LCP2: variants seen among roughly 807,000 people sequenced by gnomAD.
The protein encoded by LCP2 is lymphocyte cytosolic protein 2.
In LCP2, 29 loss-of-function variants were observed where a neutral mutation model predicts 74.5. That is an observed-to-expected ratio of 0.39 (90% CI 0.29 to 0.53). The LOEUF (loss-of-function observed/expected upper bound fraction) is 0.53. LCP2 is among the 20% of genes least tolerant of loss of function. The probability of loss-of-function intolerance (pLI) is 0.72; values close to 1 mark genes in which losing one functional copy is unlikely to be tolerated. For synonymous variants in LCP2, 228 were observed against 229.5 expected (o/e 0.99, Z 0.06); for missense variants, 604 against 634.6 (o/e 0.95, Z 0.52).
chr5:170,281,474 G>T (rs916854038), intron 3 of LCP2, among the ~76,000 whole-genome samples: 1 of 152,266 alleles, frequency 6.6e-6, no homozygotes, highest in Non-Finnish European at 1.5e-5. Context: ...TAGAAACAGC[G>T]TTTCACTGTG....
Position 170,266,777 on chromosome 5 carries a change from T to A in LCP2, c.772+31A>T, listed in dbSNP as rs367933422. 2.0e-5 allele frequency: 31 copies of A among 1,555,484 alleles called. No homozygotes were observed. The African/African-American group carries it at 3.1e-4, about 16-fold the overall frequency. ...AGCACTTTATAACAGCTTATCATTA[T>A]TACTATGCATTAAATGTGAATCATA... On this transcript the variant is annotated intron_variant, in intron 10 of 20. Coordinates refer to ENST00000046794, the MANE Select transcript of LCP2 (RefSeq NM_005565.5).
At chr5:170,255,745 C>T (rs187680498) in intron 17 of LCP2, among the ~76,000 whole-genome samples, 3 of 152,286 alleles carry the variant, frequency 2.0e-5, no homozygotes, top group East Asian at 1.9e-4. Flanking sequence ...GTCACAGCAT[C>T]GCATGGAATA....
intron 3 of LCP2, among the ~76,000 whole-genome samples, chr5:170,284,010 A>C (rs1762144479): frequency 6.6e-6 from 1 of 152,222 alleles, no homozygotes; most frequent in Non-Finnish European, 1.5e-5. Context: ...CTCCCTTTAG[A>C]ATGTGAGTGT....
chr5:170,253,301 C>T, intron 17 of LCP2, 88 bp from the exon 18 acceptor site: 3 of 847,846 alleles, frequency 3.5e-6, no homozygotes, highest in Non-Finnish European at 5.6e-6. Flanking sequence ...CCCCACTCCC[C>T]CAAAAAAATA....
chr5:170,274,229 T>A (rs1309676674), intron 6 of LCP2, 72 bp downstream of exon 6: 2 of 1,519,076 alleles, frequency 1.3e-6, no homozygotes, highest in African/African-American at 1.4e-5. Flanking sequence ...CTTGGCTCCA[T>A]CCTGGCTCCT....
rs940855577 is a variant in LCP2, at chr5:170,256,698, C to T, written c.1101-123G>A. ...ATTTGGTATCACTTTCCCTGCTGCC[C>T]CCAAAACCATGGGGGCTGGGCACAG... On this transcript the variant is annotated intron_variant, in intron 16 of 20. Coordinates refer to ENST00000046794, the MANE Select transcript of LCP2 (RefSeq NM_005565.5). This position sits in a 1 kb window ranked among gnomAD's most constrained non-coding sequence, Gnocchi z 4.5. 1 of 723,062 alleles carries T rather than the reference C, an allele frequency of 1.4e-6. No individual in the cohort carries two copies. Among genetic ancestry groups the T allele is most frequent in the African/African-American group, 1.7e-5 (1 of 57,600 alleles). The allele number at this position is 723,062 out of a possible 1,614,324, so 44.8% of individuals were successfully genotyped here.
At chr5:170,290,481 A>C (rs1762270033) in intron 2 of LCP2, among the ~76,000 whole-genome samples, 1 of 152,180 alleles carries the variant, frequency 6.6e-6, no homozygotes, top group South Asian at 2.1e-4. Context: ...TGCTGGATGG[A>C]GCTTCTGGAA....
chr5:170,267,811 G>A (rs571665900), intron 8 of LCP2, among the ~76,000 whole-genome samples: 28 of 152,202 alleles, frequency 1.8e-4, no homozygotes, highest in Non-Finnish European at 3.2e-4. Context: ...AGTGAATCCT[G>A]CATCTCAAAA....
At chr5:170,283,011 G>C (rs962982470) in intron 3 of LCP2, among the ~76,000 whole-genome samples, 17 of 152,222 alleles carry the variant, frequency 1.1e-4, no homozygotes, top group African/African-American at 3.9e-4. Context: ...CAACTCATTG[G>C]AAGTAGAGCT....
chr5:170,294,629 T>C (rs1581079120), intron 1 of LCP2, among the ~76,000 whole-genome samples: 2 of 152,140 alleles, frequency 1.3e-5, no homozygotes, highest in South Asian at 4.1e-4. Context: ...AAAGAATAAA[T>C]ACAATTGTTA....
chr5:170,280,979 G>A (rs1762090013), intron 3 of LCP2, among the ~76,000 whole-genome samples: 2 of 152,114 alleles, frequency 1.3e-5, no homozygotes, highest in Admixed American at 1.3e-4. Flanking sequence ...ACTCCAGTCT[G>A]GGCAACAAGA....
chr5:170,276,669 A>G (rs1762012066), intron 3 of LCP2, among the ~76,000 whole-genome samples: 1 of 152,160 alleles, frequency 6.6e-6, no homozygotes. Flanking sequence ...CCTAGCAACA[A>G]GCATCCATTC....
rs545349803 is a variant in LCP2 at position 170,280,847 on chromosome 5, A to G, written c.189-4987T>C. Among the ~76,000 whole-genome samples, 291 of 152,262 alleles carry G rather than the reference A, an allele frequency of 1.9e-3. 5 individuals carry two copies. Among genetic ancestry groups the G allele is most frequent in the African/African-American group, 6.7e-3 (280 of 41,550 alleles). On this transcript the variant is annotated intron_variant, in intron 3 of 20. Transcript: ENST00000046794. ...ACATGGCAAAACCCCATCTCTGCTA[A>G]CAATACAAAAATTAGCCAGGCATGG...
intron 17 of LCP2, among the ~76,000 whole-genome samples, chr5:170,255,104 G>A (rs1454836173): frequency 6.6e-6 from 1 of 152,206 alleles, no homozygotes; most frequent in Non-Finnish European, 1.5e-5. Context: ...GGCTACAGAG[G>A]CAAGGAGGTA....
intron 2 of LCP2, among the ~76,000 whole-genome samples, chr5:170,288,794 C>G (rs1256237691): frequency 6.6e-6 from 1 of 152,226 alleles, no homozygotes; most frequent in East Asian, 1.9e-4. Flanking sequence ...TCCTGCAAAC[C>G]TCCATCCTAC....
At chr5:170,253,085 GC>G (rs1959208603) in intron 18 of LCP2, 33 bp downstream of exon 18, 1 of 1,383,244 alleles carries the variant, frequency 7.2e-7, no homozygotes, top group Non-Finnish European at 1.0e-6. Flanking sequence ...CAGGGAAAAG[GC>G]AAACAAACAA....
chr5:170,264,853 G>A (rs895470564), intron 10 of LCP2, among the ~76,000 whole-genome samples: 2 of 152,040 alleles, frequency 1.3e-5, no homozygotes, highest in African/African-American at 4.8e-5. Context: ...TGGTAATGGG[G>A]AGAGTTTTGA....
chr5:170,272,109 G>A (rs900536709), intron 6 of LCP2, among the ~76,000 whole-genome samples: 32 of 152,116 alleles, frequency 2.1e-4, no homozygotes, highest in African/African-American at 7.2e-4. Context: ...ATGGAGGTCC[G>A]CAGGCACGTG....
intron 1 of LCP2, among the ~76,000 whole-genome samples, chr5:170,293,983 G>A (rs1331392788): frequency 2.0e-5 from 3 of 152,088 alleles, no homozygotes; most frequent in South Asian, 2.1e-4. Flanking sequence ...AACAATTATC[G>A]AAAGCTTTCT....
Sources: allele counts gnomAD v4.1 joint callset (sites outside exome capture counted in the v4.1 genomes callset), GRCh38; gene constraint gnomAD v4.1.1; non-coding constraint Gnocchi (gnomAD v3.1); transcripts MANE v1.5; gene names NCBI Gene and HGNC (gene_info 2026-07-23, HGNC 2026-07-21).